The following POU2AF3 variants were observed in gnomAD, a reference collection of about 807,000 sequenced individuals.
The protein encoded by POU2AF3 is POU class 2 homeobox associating factor 3, also known as cancer susceptibility candidate 13.
At chr11:111,298,826 G>GGGGGGGCCCCCC in the POU2AF3 span, 3 of 790,962 alleles carry the variant, frequency 3.8e-6, no homozygotes, top group Non-Finnish European at 5.1e-6. Flanking sequence ...CGTACCCCAG[G>GGGGGGGCCCCCC]CCCCCGCCCG....
chr11:111,298,825 G>GGGGGGGGGGGGGC, the POU2AF3 span: 2 of 852,674 alleles, frequency 2.3e-6, no homozygotes, highest in Non-Finnish European at 3.1e-6. Flanking sequence ...GCGTACCCCA[G>GGGGGGGGGGGGGC]GCCCCCGCCC....
At chr11:111,305,144 A>T in the POU2AF3 span, 2 of 404,382 alleles carry the variant, frequency 4.9e-6, no homozygotes, top group Non-Finnish European at 8.6e-6. Context: ...ATGCAAGCCC[A>T]GCAAGAAAAC....
the POU2AF3 span, chr11:111,300,713 G>A: frequency 8.9e-6 from 5 of 563,716 alleles, no homozygotes; most frequent in Middle Eastern, 5.4e-4. Context: ...AAGGCCCCAC[G>A]CACTCACCAT....
the POU2AF3 span, chr11:111,298,826 G>GCGGC: frequency 1.9e-5 from 15 of 790,956 alleles, no homozygotes; most frequent in South Asian, 6.7e-5. Flanking sequence ...CGTACCCCAG[G>GCGGC]CCCCCGCCCG....
the POU2AF3 span, chr11:111,308,208 C>A: frequency 1.6e-5 from 25 of 1,551,844 alleles, no homozygotes; most frequent in African/African-American, 8.2e-5. Flanking sequence ...GGCTACCCCC[C>A]AGAAGACCAT....
the POU2AF3 span, chr11:111,308,404 G>C: frequency 3.9e-6 from 6 of 1,551,216 alleles, no homozygotes; most frequent in Non-Finnish European, 5.2e-6. Flanking sequence ...ATTTCTATAA[G>C]AGGGAAACAA....
chr11:111,299,835 G>T, the POU2AF3 span: 1 of 787,848 alleles, frequency 1.3e-6, no homozygotes, highest in Non-Finnish European at 1.7e-6. Flanking sequence ...GCGGGCAGAA[G>T]GCAAAGACAG....
the POU2AF3 span, chr11:111,298,824 A>AGGGGGGGGGGC: frequency 2.2e-6 from 2 of 903,144 alleles, no homozygotes; most frequent in Non-Finnish European, 2.9e-6. Flanking sequence ...CGCGTACCCC[A>AGGGGGGGGGGC]GGCCCCCGCC....
At chr11:111,303,826 G>A in the POU2AF3 span, among the ~76,000 whole-genome samples, 5 of 151,500 alleles carry the variant, frequency 3.3e-5, no homozygotes, top group African/African-American at 7.3e-5. Flanking sequence ...TGGTGAGCTC[G>A]GCTTCCCAGC....
At chr11:111,304,235 G>A in the POU2AF3 span, among the ~76,000 whole-genome samples, 9 of 152,086 alleles carry the variant, frequency 5.9e-5, no homozygotes, top group Non-Finnish European at 1.0e-4. Context: ...TTGGGGAAAC[G>A]ACTCCCTAAG....
the POU2AF3 span, among the ~76,000 whole-genome samples, chr11:111,301,288 A>C: frequency 6.6e-6 from 1 of 152,208 alleles, no homozygotes; most frequent in Admixed American, 6.5e-5. Flanking sequence ...AGTACTGCCA[A>C]AGGCACTCAG....
At chr11:111,298,828 C>CGGGGGGGGG in the POU2AF3 span, 1 of 411,066 alleles carries the variant, frequency 2.4e-6, no homozygotes, top group Non-Finnish European at 4.1e-6. Flanking sequence ...TACCCCAGGC[C>CGGGGGGGGG]CCCGCCCGCC....
chr11:111,300,612 C>T, the POU2AF3 span: 1 of 1,231,004 alleles, frequency 8.1e-7, no homozygotes, highest in Non-Finnish European at 1.0e-6. Context: ...AGGCGGCCTC[C>T]GGGGGAACCG....
chr11:111,299,042 G>C, the POU2AF3 span: 80 of 990,236 alleles, frequency 8.1e-5, no homozygotes, highest in South Asian at 9.4e-5. Flanking sequence ...ATCGGGGAAC[G>C]GGGTGGTGGG....
the POU2AF3 span, chr11:111,304,788 A>AG: frequency 2.2e-6 from 1 of 451,562 alleles, no homozygotes; most frequent in Middle Eastern, 5.8e-4. Context: ...GAAAAAAAAA[A>AG]AGAAAGCAAC....
the POU2AF3 span, chr11:111,298,826 G>GGGGGGGGGGGGCC: frequency 3.7e-5 from 29 of 790,942 alleles, no homozygotes; most frequent in South Asian, 6.7e-5. Context: ...CGTACCCCAG[G>GGGGGGGGGGGGCC]CCCCCGCCCG....
chr11:111,298,908 G>A, the POU2AF3 span: 75 of 1,098,430 alleles, frequency 6.8e-5, no homozygotes, highest in Non-Finnish European at 8.2e-5. Flanking sequence ...GCTGCTACGG[G>A]GGGAGCTAGA....
chr11:111,299,473 G>A, the POU2AF3 span: 1 of 1,096,970 alleles, frequency 9.1e-7, no homozygotes, highest in African/African-American at 1.6e-5. Flanking sequence ...CCGGGGCTGA[G>A]GCTGCCCCTG....
chr11:111,300,833 G>A, the POU2AF3 span, among the ~76,000 whole-genome samples: 1 of 152,226 alleles, frequency 6.6e-6, no homozygotes. Flanking sequence ...CAGGATTTGG[G>A]GGAGCCCATC....
Sources: allele counts gnomAD v4.1 joint callset (sites outside exome capture counted in the v4.1 genomes callset), GRCh38; gene constraint gnomAD v4.1.1; transcripts MANE v1.5; gene names NCBI Gene and HGNC (gene_info 2026-07-23, HGNC 2026-07-21).